Variants in GMEB1 observed in about 807,000 individuals in gnomAD.
The protein encoded by GMEB1 is glucocorticoid modulatory element binding protein 1, also known as glucocorticoid modulatory element-binding protein 1.
GMEB1 carries 6 observed loss-of-function variants against 52.4 expected under a neutral mutation model. The ratio of observed to expected loss-of-function variants is 0.11; its 90% CI spans 0.06 to 0.23. The LOEUF (loss-of-function observed/expected upper bound fraction) is 0.23. Among genes scored for constraint, GMEB1 ranks in the 10% least tolerant of loss-of-function variants. The pLI is 1.00. For synonymous variants in GMEB1, 255 were observed against 244.9 expected (o/e 1.04, Z -0.38); for missense variants, 486 against 685.6 (o/e 0.71, Z 3.25).
chr1:28,701,356 G>C (rs919875418), intron 6 of GMEB1, among the ~76,000 whole-genome samples: 2 of 136,564 alleles, frequency 1.5e-5, no homozygotes, highest in African/African-American at 5.4e-5. Flanking sequence ...TGCAAGCTCC[G>C]CCTCCCGGGT....
intron 1 of GMEB1, among the ~76,000 whole-genome samples, chr1:28,671,864 C>T (rs1278101331): frequency 2.0e-5 from 3 of 151,876 alleles, no homozygotes; most frequent in Non-Finnish European, 4.4e-5. Flanking sequence ...CGCCTGTAAT[C>T]CCAGCACTTT....
chr1:28,709,928 C>T (rs1670967786), intron 8 of GMEB1, among the ~76,000 whole-genome samples: 1 of 151,958 alleles, frequency 6.6e-6, no homozygotes, highest in South Asian at 2.1e-4. Context: ...GTGGGTGGAT[C>T]AAAAGGTCAG....
chr1:28,699,201 A>G (rs1270025957), intron 6 of GMEB1, among the ~76,000 whole-genome samples: 1 of 152,166 alleles, frequency 6.6e-6, no homozygotes, highest in Non-Finnish European at 1.5e-5. Context: ...ACAGATGAGC[A>G]CACTTAACTT....
chr1:28,698,848 G>A (rs547571018), intron 6 of GMEB1, among the ~76,000 whole-genome samples: 2 of 152,086 alleles, frequency 1.3e-5, no homozygotes, highest in Non-Finnish European at 2.9e-5. Flanking sequence ...GCCGGGTGTG[G>A]TGGCGCATGC....
In GMEB1 at chr1:28,697,034, C is replaced by T; in HGVS notation, c.548C>T (p.Pro183Leu). 6.2e-7 allele frequency: 1 copy of T among 1,612,800 alleles called. No homozygotes were observed. Reference sequence around the variant, plus strand: ...CTTCTGATCAGCAGTGCAAGAGCTCCAGTGCCAGGACAGCAGACAAGTGTG... The same window carrying T: ...CTTCTGATCAGCAGTGCAAGAGCTCTAGTGCCAGGACAGCAGACAAGTGTG... ...FDLLISSARA[P>L]VPGQQTSVVQ... Residue 183 changes from proline (P) to leucine (L), a missense_variant, in exon 6 of 10, where the codon CCA becomes CTA. By Grantham distance (98) the Pro-to-Leu change is moderately conservative. Transcript: ENST00000373816.
Position 28,714,100 on chromosome 1 carries a change from A to G in GMEB1, c.1019A>G (p.Lys340Arg), listed in dbSNP as rs1671180500. Reference sequence around the variant, plus strand: ...TTGGAACGCCAGTTGGAGGAGCAGAAGAAGCAAGGCCAGGATCACAGGCTG... The same window carrying G: ...TTGGAACGCCAGTTGGAGGAGCAGAGGAAGCAAGGCCAGGATCACAGGCTG... ...TDLERQLEEQ[K>R]KQGQDHRLKS... The change falls in exon 10 of 10, where the codon AAG becomes AGG. Residue 340 changes from lysine to arginine, a missense_variant. By Grantham distance (26) the Lys-to-Arg change is conservative (BLOSUM62 2). Transcript: ENST00000373816. The G allele has an allele frequency of 6.2e-7, 1 of 1,611,508 alleles. No homozygotes were observed. The highest frequency in any genetic ancestry group is 1.1e-5 in the South Asian group (1 of 91,056).
chr1:28,692,605 C>T (rs1670019132), intron 4 of GMEB1, among the ~76,000 whole-genome samples: 1 of 151,882 alleles, frequency 6.6e-6, no homozygotes, highest in African/African-American at 2.4e-5. Flanking sequence ...CTTATTCTGT[C>T]TTCATTAGGG....
intron 8 of GMEB1, among the ~76,000 whole-genome samples, chr1:28,707,418 A>C (rs552557188): frequency 2.0e-5 from 3 of 152,310 alleles, no homozygotes; most frequent in African/African-American, 7.2e-5. Context: ...TAAAGGAATT[A>C]GTCCAAGCAA....
At chr1:28,697,400 G>T (rs554150416) in intron 6 of GMEB1, among the ~76,000 whole-genome samples, 4 of 151,828 alleles carry the variant, frequency 2.6e-5, no homozygotes, top group South Asian at 2.1e-4. Flanking sequence ...TACAAACAGG[G>T]TTTCTCCATG....
intron 6 of GMEB1, among the ~76,000 whole-genome samples, chr1:28,698,237 C>T (rs570898862): frequency 4.2e-4 from 64 of 152,082 alleles, no homozygotes; most frequent in Non-Finnish European, 6.3e-4. Context: ...GACATGGTGG[C>T]GTGCACCTGT....
At chr1:28,704,637 G>T (rs1279867529) in intron 8 of GMEB1, among the ~76,000 whole-genome samples, 1 of 150,594 alleles carries the variant, frequency 6.6e-6, no homozygotes, top group African/African-American at 2.4e-5. Flanking sequence ...ACGGAGTCTC[G>T]CTCTATCGCC....
intron 8 of GMEB1, among the ~76,000 whole-genome samples, chr1:28,705,082 CAA>C (rs756423377): frequency 5.3e-4 from 26 of 49,216 alleles, no homozygotes; most frequent in Admixed American, 7.3e-4. Context: ...GACCTTGTCT[CAA>C]AAAAAAAAAA....
Position 28,714,873 on chromosome 1 carries a change from T to TAAAAA in GMEB1, c.*109_*113dup. 5.0e-6 allele frequency: 3 copies of TAAAAA among 595,394 alleles called. No homozygotes were observed. Among genetic ancestry groups the TAAAAA allele is most frequent in the Non-Finnish European group, 8.0e-6 (3 of 373,696 alleles). 36.9% of individuals were successfully genotyped at this position (595,394 alleles called of 1,614,324 possible). A position where few individuals can be genotyped will look rare whatever the true frequency, so the allele number is the denominator to read the frequency against. On this transcript the variant is annotated 3_prime_UTR_variant, in exon 10 of 10. Transcript: ENST00000373816. The stretch of plus-strand genomic sequence containing the variant: ...CTCATTTCCACATAGGACCCTTTTT[T>TAAAAA]AAAAAAAAAAAAACAAAATCTTATT...
At chr1:28,708,364 C>T (rs1670879040) in intron 8 of GMEB1, among the ~76,000 whole-genome samples, 2 of 151,924 alleles carry the variant, frequency 1.3e-5, no homozygotes, top group African/African-American at 4.8e-5. Flanking sequence ...CGGGGTTTCA[C>T]TGTGTTAGCC....
At chr1:28,711,052 C>G (rs751918096) in intron 9 of GMEB1, among the ~76,000 whole-genome samples, 3 of 152,028 alleles carry the variant, frequency 2.0e-5, no homozygotes, top group Non-Finnish European at 2.9e-5. Flanking sequence ...CTTTGGGAGA[C>G]TGAGGCAGAC....
intron 1 of GMEB1, among the ~76,000 whole-genome samples, chr1:28,674,919 C>T (rs1190808864): frequency 5.3e-4 from 75 of 140,366 alleles, no homozygotes; most frequent in African/African-American, 8.6e-4. Flanking sequence ...GGGGTTTCAC[C>T]GTTTTTAGCC....
At chr1:28,676,211 G>C (rs1669144846) in intron 1 of GMEB1, among the ~76,000 whole-genome samples, 1 of 152,132 alleles carries the variant, frequency 6.6e-6, no homozygotes, top group South Asian at 2.1e-4. Context: ...AGGGTAGAAA[G>C]TTGAAATTAG....
At chr1:28,700,984 G>A (rs1217753199) in intron 6 of GMEB1, among the ~76,000 whole-genome samples, 1 of 151,952 alleles carries the variant, frequency 6.6e-6, no homozygotes, top group Non-Finnish European at 1.5e-5. Flanking sequence ...GCAAAACCCG[G>A]GTCTATGAAG....
rs546496835 is a variant in GMEB1 at position 28,718,635 on chromosome 1, T to G, written c.*3862T>G. 5.3e-5 allele frequency: 8 copies of G among 150,424 alleles called. No homozygotes were observed. The highest frequency in any genetic ancestry group is 1.2e-4 in the African/African-American group (5 of 40,870). The allele number at this position is 150,424 out of a possible 1,614,324, so 9.3% of individuals were successfully genotyped here. ...AAAACTACACATTTCATTATAATTG[T>G]TTTTTTTTGTAATTTTATGTATTTT... On this transcript the variant is annotated 3_prime_UTR_variant, in exon 10 of 10. Transcript: ENST00000373816.
Sources: allele counts gnomAD v4.1 joint callset (sites outside exome capture counted in the v4.1 genomes callset), GRCh38; gene constraint gnomAD v4.1.1; transcripts MANE v1.5; gene names NCBI Gene and HGNC (gene_info 2026-07-23, HGNC 2026-07-21).